Variants in CTIF observed in about 807,000 individuals in gnomAD.
CTIF encodes the protein CBP80/20-dependent translation initiation factor.
In CTIF, 21 loss-of-function variants were observed where a neutral mutation model predicts 66.0. That is an observed-to-expected ratio of 0.32 (90% confidence interval 0.23 to 0.46). The LOEUF is 0.46. Ranked by LOEUF, CTIF falls within the 20% of genes least tolerant of loss-of-function variation. CTIF has a pLI of 1.00. For missense variants in CTIF, 739 were observed against 812.7 expected (o/e 0.91, Z 1.10); for synonymous variants, 345 against 326.4 (o/e 1.06, Z -0.62).
chr18:48,662,922 T>A (rs1342332260), intron 3 of CTIF, among the ~76,000 whole-genome samples: 1 of 152,140 alleles, frequency 6.6e-6, no homozygotes, highest in African/African-American at 2.4e-5. Context: ...GGCATGTGGG[T>A]GGTCTCCAGT....
chr18:48,847,991 C>T (rs748069655), intron 10 of CTIF, among the ~76,000 whole-genome samples: 1 of 152,156 alleles, frequency 6.6e-6, no homozygotes, highest in African/African-American at 2.4e-5. Context: ...AGGTACAGGT[C>T]CAGGTCCCGC....
At chr18:48,608,744 T>A (rs570669065) in intron 1 of CTIF, among the ~76,000 whole-genome samples, 1 of 152,318 alleles carries the variant, frequency 6.6e-6, no homozygotes, top group South Asian at 2.1e-4. Flanking sequence ...TGTTCTGGGC[T>A]GTGGACACTC....
intron 3 of CTIF, among the ~76,000 whole-genome samples, chr18:48,655,296 C>CT (rs1215295289): frequency 9.7e-5 from 4 of 41,350 alleles, no homozygotes; most frequent in African/African-American, 2.4e-4. Context: ...TAGAGCAAGA[C>CT]TAAAAAAAAA....
intron 6 of CTIF, among the ~76,000 whole-genome samples, chr18:48,684,067 G>GTAGC (rs2091793646): frequency 6.6e-6 from 1 of 152,230 alleles, no homozygotes; most frequent in Non-Finnish European, 1.5e-5. Flanking sequence ...GACTATTGGA[G>GTAGC]CAAATGACCT....
intron 10 of CTIF, among the ~76,000 whole-genome samples, chr18:48,856,228 G>A (rs1477516413): frequency 1.3e-5 from 2 of 152,220 alleles, no homozygotes; most frequent in African/African-American, 4.8e-5. Flanking sequence ...GGGGCTTCAA[G>A]AGAGAGTGAA....
chr18:48,848,865 A>G (rs894860994), intron 10 of CTIF, among the ~76,000 whole-genome samples: 2 of 152,208 alleles, frequency 1.3e-5, no homozygotes, highest in Non-Finnish European at 2.9e-5. Context: ...CGTGCCCACA[A>G]CAAGTCTCCG....
At chr18:48,594,809 C>T (rs994707126) in intron 1 of CTIF, among the ~76,000 whole-genome samples, 9 of 152,220 alleles carry the variant, frequency 5.9e-5, no homozygotes, top group Admixed American at 1.3e-4. Context: ...AGAACTGCCC[C>T]GCTTGGGCCT....
intron 6 of CTIF, among the ~76,000 whole-genome samples, chr18:48,679,589 G>A (rs1490812715): frequency 6.6e-6 from 1 of 152,186 alleles, no homozygotes; most frequent in African/African-American, 2.4e-5. Context: ...AGAAAAGACT[G>A]TTGGGGGAGT....
intron 5 of CTIF, among the ~76,000 whole-genome samples, chr18:48,665,014 A>T (rs2091414550): frequency 6.7e-6 from 1 of 148,398 alleles, no homozygotes; most frequent in Admixed American, 6.8e-5. Context: ...TCCCGGGTTC[A>T]CGCCATTCTC....
intron 5 of CTIF, among the ~76,000 whole-genome samples, chr18:48,668,461 C>T (rs188648363): frequency 4.7e-4 from 72 of 152,314 alleles, no homozygotes; most frequent in African/African-American, 1.5e-3. Flanking sequence ...TTGGATGTTC[C>T]GGGCCTTTCT....
At chr18:48,627,033 G>GA (rs35271769) in intron 2 of CTIF, among the ~76,000 whole-genome samples, 3 of 152,048 alleles carry the variant, frequency 2.0e-5, no homozygotes, top group Non-Finnish European at 2.9e-5. Context: ...GTGAAAAATG[G>GA]AAAAAAATCA....
At chr18:48,685,478 C>T (rs1183020874) in intron 6 of CTIF, among the ~76,000 whole-genome samples, 1 of 152,108 alleles carries the variant, frequency 6.6e-6, no homozygotes, top group African/African-American at 2.4e-5. Context: ...CTGCCTCGAC[C>T]TCCCAAAGTG....
rs2091745252 is a variant in CTIF at position 48,681,694 on chromosome 18, A to G, written c.507+10950A>G. On this transcript the variant is annotated intron_variant, in intron 6 of 11. Transcript: ENST00000256413. ...CTCTCAGCTTGGTGACTGATTGCCA[A>G]GCCCCTGATCCAGCAGCACCAGTTG... Among the ~76,000 whole-genome samples the G allele has an allele frequency of 2.0e-5, 3 of 152,164 alleles. No homozygotes were observed. The South Asian group carries it at 6.2e-4, about 31-fold the overall frequency.
At chr18:48,649,837 G>A (rs556544994) in intron 3 of CTIF, among the ~76,000 whole-genome samples, 1 of 152,320 alleles carries the variant, frequency 6.6e-6, no homozygotes, top group East Asian at 1.9e-4. Context: ...GGCAAACAGG[G>A]TCTGGAGTGG....
chr18:48,861,459 C>T lies in CTIF; in HGVS notation c.*1900C>T, dbSNP rs2069465260. On this transcript the variant is annotated 3_prime_UTR_variant, in exon 12 of 12. Transcript: ENST00000256413. ...CAGATGCCCCGCGGGTAGGAGGCCT[C>T]GAGGGAGGAGCCGGGCTGATGCGGG... 7.0e-6 allele frequency: 1 copy of T among 143,552 alleles called. No homozygotes were observed. Among genetic ancestry groups the T allele is most frequent in the South Asian group, 2.1e-4 (1 of 4,736 alleles). 8.9% of individuals were successfully genotyped at this position (143,552 alleles called of 1,614,324 possible).
At chr18:48,647,745 C>T (rs937893747) in intron 3 of CTIF, among the ~76,000 whole-genome samples, 1 of 152,190 alleles carries the variant, frequency 6.6e-6, no homozygotes, top group Admixed American at 6.5e-5. Context: ...AGGAGCCCTG[C>T]CTGCTTTCTC....
At position 48,781,570 on chromosome 18, in the gene CTIF, A is replaced by G. The variant is rs552087097; in HGVS notation, c.1371+19881A>G. ...GGCTGGAGCCGGGCGGTCTGAGGCC[A>G]TATCTAGCGAGATTTTTGTTCTGGG... On this transcript the variant is annotated intron_variant, in intron 9 of 11. Transcript: ENST00000256413. Among the ~76,000 whole-genome samples, 266 of 152,296 alleles carry G rather than the reference A, an allele frequency of 1.7e-3. 11 individuals carry two copies. Among genetic ancestry groups the G allele is most frequent in the Non-Finnish European group, 1.6e-3 (109 of 68,028 alleles).
chr18:48,849,733 G>A (rs774535486), intron 10 of CTIF, among the ~76,000 whole-genome samples: 38 of 151,526 alleles, frequency 2.5e-4, no homozygotes, highest in Middle Eastern at 3.4e-3. Context: ...CTACAGGCCC[G>A]CACCACCACA....
chr18:48,585,019 A>G (rs1301102085), intron 1 of CTIF, among the ~76,000 whole-genome samples: 1 of 152,190 alleles, frequency 6.6e-6, no homozygotes, highest in African/African-American at 2.4e-5. Context: ...CTATTGGGGG[A>G]CAGAGATCAC....
Sources: gnomAD v4.1 joint callset for allele counts (sites outside exome capture counted in the v4.1 genomes callset) on GRCh38, gnomAD v4.1.1 for gene constraint, MANE v1.5 for transcripts, NCBI Gene and HGNC (gene_info 2026-07-23, HGNC 2026-07-21) for gene names.